The following YWHAE variants were observed in gnomAD, a reference collection of about 807,000 sequenced individuals.
YWHAE encodes 14-3-3 protein epsilon.
Under a neutral mutation model 30.1 loss-of-function variants are expected in YWHAE, and 4 were observed. The observed-to-expected ratio is 0.13, with a 90% CI of 0.07 to 0.30. The LOEUF is 0.30. Among genes scored for constraint, YWHAE ranks in the 10% least tolerant of loss-of-function variants. The pLI is 1.00. For missense variants in YWHAE, 121 were observed against 315.9 expected, an observed-to-expected ratio of 0.38 and a Z score of 4.68; for synonymous variants, 118 against 111.8, an observed-to-expected ratio of 1.06 and a Z score of -0.35.
intron 1 of YWHAE, among the ~76,000 whole-genome samples, chr17:1,380,261 A>G (rs1345412032): frequency 6.6e-6 from 1 of 152,014 alleles, no homozygotes; most frequent in African/African-American, 2.4e-5. Flanking sequence ...ACAGGCGCAC[A>G]CTACCATGCC....
chr17:1,369,267 G>A (rs2072993409), intron 1 of YWHAE, among the ~76,000 whole-genome samples: 1 of 152,172 alleles, frequency 6.6e-6, no homozygotes, highest in African/African-American at 2.4e-5. Flanking sequence ...AGGCCGAGGT[G>A]GGTGGATCAT....
At chr17:1,356,884 T>TC (rs980845553) in intron 4 of YWHAE, among the ~76,000 whole-genome samples, 2 of 151,698 alleles carry the variant, frequency 1.3e-5, no homozygotes, top group African/African-American at 4.8e-5. Context: ...TATCAGTTAA[T>TC]CCCCTTTCCT....
intron 1 of YWHAE, among the ~76,000 whole-genome samples, chr17:1,385,355 G>A (rs2073284661): frequency 6.6e-6 from 1 of 152,120 alleles, no homozygotes; most frequent in South Asian, 2.1e-4. Flanking sequence ...CCTGTGATCA[G>A]TCCCCCAGGC....
intron 1 of YWHAE, among the ~76,000 whole-genome samples, chr17:1,376,215 C>T (rs1272272751): frequency 6.6e-6 from 1 of 152,058 alleles, no homozygotes; most frequent in African/African-American, 2.4e-5. Context: ...GCTTCTGTGA[C>T]AATAGAGGGG....
At chr17:1,396,268 T>C (rs2073469994) in intron 1 of YWHAE, among the ~76,000 whole-genome samples, 2 of 150,056 alleles carry the variant, frequency 1.3e-5, no homozygotes, top group South Asian at 4.2e-4. Context: ...AAAAAAGAAA[T>C]ACAAAATTAG....
intron 4 of YWHAE, among the ~76,000 whole-genome samples, chr17:1,354,985 T>C (rs1330902158): frequency 1.0e-5 from 1 of 97,762 alleles, no homozygotes; most frequent in Non-Finnish European, 2.0e-5. Flanking sequence ...TTTTTTTTTT[T>C]TTTTTTTTTT....
intron 5 of YWHAE, among the ~76,000 whole-genome samples, chr17:1,353,441 AAAAAAAAAAG>A (rs2072671582): frequency 1.4e-5 from 2 of 141,694 alleles, no homozygotes; most frequent in South Asian, 2.4e-4. Flanking sequence ...CCATCTCAAA[AAAAAAAAAAG>A]AAAAGAAAAG....
At chr17:1,389,330 T>C (rs1035187995) in intron 1 of YWHAE, among the ~76,000 whole-genome samples, 1 of 152,164 alleles carries the variant, frequency 6.6e-6, no homozygotes, top group Admixed American at 6.6e-5. Context: ...CACTCCAAGG[T>C]CCTACAAAGT....
chr17:1,346,458 T>TA (rs1300259535), intron 5 of YWHAE, among the ~76,000 whole-genome samples: 4 of 152,236 alleles, frequency 2.6e-5, no homozygotes, highest in Admixed American at 2.6e-4. Flanking sequence ...TAATGCTTGT[T>TA]AAATTATTTA....
chr17:1,399,429 C>T (rs2073529717), intron 1 of YWHAE: 1 of 152,696 alleles, frequency 6.5e-6, no homozygotes, highest in Non-Finnish European at 1.5e-5. Context: ...GTGATTCCCA[C>T]TCACCCCTCT....
At chr17:1,355,632 C>CT (rs2072727962) in intron 4 of YWHAE, among the ~76,000 whole-genome samples, 1 of 152,006 alleles carries the variant, frequency 6.6e-6, no homozygotes. Context: ...GTACTGTGTA[C>CT]TATGTCCAAC....
chr17:1,366,456 T>C lies in YWHAE; in HGVS notation c.65-1398A>G, dbSNP rs527295214. On this transcript the variant is annotated intron_variant, in intron 1 of 5. Coordinates refer to ENST00000264335, the MANE Select transcript of YWHAE (RefSeq NM_006761.5). ...GGGAAGCTGAGGCAGCAGAATTGCT[T>C]GAACCCAGGAGGCAGAGATTGCAAC... is the stretch of plus-strand genomic sequence containing the variant. 5.3e-5 allele frequency among the ~76,000 whole-genome samples: 8 copies of C among 152,098 alleles called. No homozygotes were observed. In the South Asian group the frequency reaches 1.7e-3, roughly 32 times the overall value.
At chr17:1,356,968 CACAT>C (rs889277903) in intron 4 of YWHAE, among the ~76,000 whole-genome samples, 16 of 149,186 alleles carry the variant, frequency 1.1e-4, no homozygotes, top group African/African-American at 4.0e-4. Flanking sequence ...CAAAAAAAAA[CACAT>C]ACAAAAACCA....
intron 4 of YWHAE, among the ~76,000 whole-genome samples, chr17:1,356,872 T>A (rs2072753409): frequency 6.6e-6 from 1 of 151,598 alleles, no homozygotes; most frequent in African/African-American, 2.4e-5. Flanking sequence ...AAAGTTCCAA[T>A]GTATCAGTTA....
chr17:1,389,086 CT>C (rs1048997446), intron 1 of YWHAE, among the ~76,000 whole-genome samples: 1 of 152,106 alleles, frequency 6.6e-6, no homozygotes, highest in Admixed American at 6.6e-5. Flanking sequence ...CCACCTTGGC[CT>C]CCCAAGTAGC....
intron 5 of YWHAE, among the ~76,000 whole-genome samples, chr17:1,348,601 T>C (rs1454784791): frequency 6.6e-6 from 1 of 152,228 alleles, no homozygotes; most frequent in Non-Finnish European, 1.5e-5. Context: ...TAGTATTTTA[T>C]TTTGTGAGAT....
At chr17:1,345,566 A>G in intron 5 of YWHAE, 67 bp from the exon 6 acceptor site, 4 of 1,521,902 alleles carry the variant, frequency 2.6e-6, no homozygotes, top group Non-Finnish European at 3.6e-6. Context: ...GCCACAAACA[A>G]AGGTGTCATT....
chr17:1,359,949 G>A (rs1598237251), intron 4 of YWHAE, among the ~76,000 whole-genome samples: 1 of 74,702 alleles, frequency 1.3e-5, no homozygotes, highest in Non-Finnish European at 2.7e-5. Flanking sequence ...GGGGAGGGGG[G>A]GAGAGAGGGG....
intron 1 of YWHAE, among the ~76,000 whole-genome samples, chr17:1,373,707 C>A (rs1013363485): frequency 6.6e-6 from 1 of 151,612 alleles, no homozygotes; most frequent in Non-Finnish European, 1.5e-5. Flanking sequence ...GCACAAGGTA[C>A]CAAAATGTGA....
Sources: allele counts gnomAD v4.1 joint callset (sites outside exome capture counted in the v4.1 genomes callset), GRCh38; gene constraint gnomAD v4.1.1; transcripts MANE v1.5; gene names NCBI Gene and HGNC (gene_info 2026-07-23, HGNC 2026-07-21).